Variants in ZNF48 observed in about 807,000 individuals in gnomAD.
The protein encoded by ZNF48 is zinc finger protein 553.
In ZNF48, 20 loss-of-function variants were observed where a neutral mutation model predicts 40.0. The observed-to-expected ratio is 0.50, with a 90% confidence interval of 0.35 to 0.73. The LOEUF (loss-of-function observed/expected upper bound fraction) is 0.73, where lower values mean the gene tolerates loss of function less well. ZNF48 is among the 30% of genes least tolerant of loss of function. The probability of loss-of-function intolerance (pLI) is 0.01; values close to 1 mark genes in which losing one functional copy is unlikely to be tolerated. For missense variants in ZNF48, 726 were observed against 851.9 expected (o/e 0.85, Z 1.84); for synonymous variants, 298 against 329.7 (o/e 0.90, Z 1.04).
Position 30,381,570 on chromosome 16 carries a change from GCTCC to G in ZNF48, c.-16+3165_-16+3168del. Reference sequence around the variant, plus strand: ...GTGGGAGTAGAATGTCATTTCTTTGGCTCCCTCCAAAGACATTAAGGGGAACTGG... The same window carrying G: ...GTGGGAGTAGAATGTCATTTCTTTGGCTCCAAAGACATTAAGGGGAACTGG... On this transcript the variant is annotated intron_variant, in intron 1 of 2. Transcript: ENST00000528032. The surrounding 1 kb of genome is among the most constrained non-coding windows in gnomAD (Gnocchi z 4.3). The G allele has an allele frequency of 1.3e-6, 2 of 1,528,800 alleles. No homozygotes were observed. The highest frequency in any genetic ancestry group is 1.2e-5 in the South Asian group (1 of 84,962). 94.7% of individuals were successfully genotyped at this position (1,528,800 alleles called of 1,614,324 possible). A position where few individuals can be genotyped will look rare whatever the true frequency, so the allele number is the denominator to read the frequency against.
rs1274500236 is a variant in ZNF48, at chr16:30,397,304, T to C, written c.80-26T>C. The C allele has an allele frequency of 1.9e-6, 3 of 1,585,642 alleles. No homozygotes were observed. The Admixed American group carries it at 5.3e-5, about 28-fold the overall frequency. On this transcript the variant is annotated intron_variant, in intron 2 of 2. Transcript: ENST00000613509. This position sits in a 1 kb window ranked among gnomAD's most constrained non-coding sequence, Gnocchi z 4.1. ...ATAAGTACCGAGCCAAAGGGGAGGG[T>C]CTACAACTTCCTTTTCTTTCCTCAG...
upstream of ZNF48, among the ~76,000 whole-genome samples, chr16:30,393,829 C>T (rs2049959500): frequency 6.6e-6 from 1 of 152,122 alleles, no homozygotes; most frequent in South Asian, 2.1e-4. Flanking sequence ...GATCCTCCTG[C>T]CTCAGTCTCC....
chr16:30,395,991 T>C lies in ZNF48; in HGVS notation c.79+118T>C, dbSNP rs2049981729. Reference sequence around the variant, plus strand: ...GACGTGAGCTGTGCCTCTGGGGAGATAGGGGGAGGGGAGCTTTCGGAGCAC... The same window carrying C: ...GACGTGAGCTGTGCCTCTGGGGAGACAGGGGGAGGGGAGCTTTCGGAGCAC... On this transcript the variant is annotated intron_variant, in intron 2 of 2. Transcript: ENST00000613509. This position sits in a 1 kb window ranked among gnomAD's most constrained non-coding sequence, Gnocchi z 5.9. The C allele has an allele frequency of 9.0e-7, 1 of 1,116,326 alleles. No homozygotes were observed. 69.2% of individuals were successfully genotyped at this position (1,116,326 alleles called of 1,614,324 possible). A position where few individuals can be genotyped will look rare whatever the true frequency, so the allele number is the denominator to read the frequency against.
In ZNF48 at chr16:30,382,487, G is replaced by A. The variant is rs748707841; in HGVS notation, c.-16+4077G>A. 3.8e-6 allele frequency: 6 copies of A among 1,595,498 alleles called. No homozygotes were observed. The highest frequency in any genetic ancestry group is 1.7e-4 in the Middle Eastern group (1 of 5,968). ...TGGGGACCCCAGGCATGGGGGCTGGGGGCCGAGATGCCCAGGTTTCTGGGT... is the reference window on the plus strand; with the variant it reads ...TGGGGACCCCAGGCATGGGGGCTGGAGGCCGAGATGCCCAGGTTTCTGGGT... On this transcript the variant is annotated intron_variant, in intron 1 of 2. Transcript: ENST00000528032. The surrounding 1 kb of genome is among the most constrained non-coding windows in gnomAD (Gnocchi z 4.8).
chr16:30,398,497 G>C lies in ZNF48; in HGVS notation c.1247G>C (p.Ser416Thr), dbSNP rs951969885. The change falls in exon 3 of 3, where the codon AGT becomes ACT. Residue 416 changes from serine (S) to threonine (T), a missense_variant. Around this residue, in one of 5 missense-constraint regions of ZNF48, gnomAD observed 378 missense variants for 449.1 expected, o/e 0.84. Transcript: ENST00000613509. This position sits in a 1 kb window ranked among gnomAD's most constrained non-coding sequence, Gnocchi z 6.6. The stretch of plus-strand genomic sequence containing the variant: ...ACCAGCCCCCCGCTGACACCTCGAA[G>C]TCCCTCACACTCGGGTGAGCCTTTT... ...LGTSPPLTPR[S>T]PSHSGEPFGL... 6.3e-7 allele frequency: 1 copy of C among 1,588,992 alleles called. No homozygotes were observed. The highest frequency in any genetic ancestry group is 8.6e-7 in the Non-Finnish European group (1 of 1,166,014).
rs1232636229 is a variant in ZNF48 at position 30,397,395 on chromosome 16, T to G, written c.145T>G (p.Leu49Val). 9.9e-6 allele frequency: 16 copies of G among 1,614,060 alleles called. No individual in the cohort carries two copies. In the East Asian group the frequency reaches 3.6e-4, roughly 36 times the overall value. Residue 49 changes from leucine to valine, a missense_variant, in exon 3 of 3, where the codon TTG becomes GTG. By Grantham distance (32) the Leu-to-Val change is conservative (BLOSUM62 1). Around this residue, in one of 5 missense-constraint regions of ZNF48, gnomAD observed 151 missense variants for 162.3 expected, o/e 0.93. Coordinates refer to ENST00000613509, the MANE Select transcript of ZNF48 (RefSeq NM_001214909.2). This position sits in a 1 kb window ranked among gnomAD's most constrained non-coding sequence, Gnocchi z 4.1. ...EFEHTPQEDDLGFKEEDLAPD... is the reference protein window; with the variant it reads ...EFEHTPQEDDVGFKEEDLAPD... ...TGAACATACCCCACAGGAAGATGAC[T>G]TGGGGTTCAAGGAAGAAGATTTGGC...
rs570495544 is a variant in ZNF48 at position 30,385,475 on chromosome 16, A to C, written c.-16+7065A>C. ...CCCCGTCTCTACTAAAAATACAAAA[A>C]TTAGTTGGATGTGGTGGCGCGTGCC... On this transcript the variant is annotated intron_variant, in intron 1 of 2. Coordinates refer to the ZNF48 transcript ENST00000528032. Among the ~76,000 whole-genome samples, 318 of 151,804 alleles carry C rather than the reference A, an allele frequency of 2.1e-3. 2 individuals carry two copies. The Middle Eastern group carries it at 0.031, about 15-fold the overall frequency.
Position 30,381,663 on chromosome 16 carries a change from C to T in ZNF48, c.-16+3253C>T, listed in dbSNP as rs1262757712. ...AGTGGCCCTCTGAAACAGACACCAC[C>T]TTTTGAGATAGGGAGCCAGCACAAA... On this transcript the variant is annotated intron_variant, in intron 1 of 2. Coordinates refer to the ZNF48 transcript ENST00000528032. The surrounding 1 kb of genome is among the most constrained non-coding windows in gnomAD (Gnocchi z 4.3). The T allele has an allele frequency of 1.9e-6, 3 of 1,554,078 alleles. No individual in the cohort carries two copies. In the African/African-American group the frequency reaches 4.1e-5, roughly 21 times the overall value.
chr16:30,395,180 T>C, upstream of ZNF48: 1 of 454,504 alleles, frequency 2.2e-6, no homozygotes. The surrounding 1 kb of genome is among the most constrained non-coding windows in gnomAD (Gnocchi z 5.9). Flanking sequence ...CGCGGGTGGC[T>C]GGAGACACAC....
chr16:30,392,649 T>C (rs562999488), upstream of ZNF48, among the ~76,000 whole-genome samples: 20 of 152,296 alleles, frequency 1.3e-4, no homozygotes, highest in African/African-American at 4.8e-4. Flanking sequence ...TCATCCCTAT[T>C]TTACAGTTTG....
At position 30,397,491 on chromosome 16, in the gene ZNF48, C is replaced by T; in HGVS notation, c.241C>T (p.Gln81Ter). The change falls in exon 3 of 3, where the codon CAG (glutamine) becomes TAG (stop). Residue 81 changes from glutamine to a stop codon, truncating the protein, a stop_gained. Coordinates refer to ENST00000613509, the MANE Select transcript of ZNF48 (RefSeq NM_001214909.2). LOFTEE classifies it high-confidence loss of function. The surrounding 1 kb of genome is among the most constrained non-coding windows in gnomAD (Gnocchi z 4.1). ...CCAGAACTGGGATGACTTATGGGTC[C>T]AGAGAGAGGGTCTAGGAAAGCCTCA... ...GIQNWDDLWV[Q>*]REGLGKPQPR... 1 of 1,614,112 alleles carries T rather than the reference C, an allele frequency of 6.2e-7. No homozygotes were observed. Among genetic ancestry groups the T allele is most frequent in the Non-Finnish European group, 8.5e-7 (1 of 1,180,004 alleles).
intron 1 of ZNF48, among the ~76,000 whole-genome samples, chr16:30,387,165 G>C (rs1434178325): frequency 6.8e-6 from 1 of 147,122 alleles, no homozygotes; most frequent in Non-Finnish European, 1.5e-5. Context: ...GGATGGTCTC[G>C]ATCTCCTGAC....
rs573272626 is a variant in ZNF48 at position 30,397,485 on chromosome 16, T to C, written c.235T>C (p.Trp79Arg). Residue 79 changes from tryptophan (W) to arginine (R), a missense_variant, in exon 3 of 3, where the codon TGG becomes CGG. Around this residue, in one of 5 missense-constraint regions of ZNF48, gnomAD observed 151 missense variants for 162.3 expected, o/e 0.93. Coordinates refer to ENST00000613509, the MANE Select transcript of ZNF48 (RefSeq NM_001214909.2). The surrounding 1 kb of genome is among the most constrained non-coding windows in gnomAD (Gnocchi z 4.1). ...PEGIQNWDDL[W>R]VQREGLGKPQ... Reference sequence around the variant, plus strand: ...AGGCATCCAGAACTGGGATGACTTATGGGTCCAGAGAGAGGGTCTAGGAAA... The same window carrying C: ...AGGCATCCAGAACTGGGATGACTTACGGGTCCAGAGAGAGGGTCTAGGAAA... 3 of 1,614,156 alleles carry C rather than the reference T, an allele frequency of 1.9e-6. No individual in the cohort carries two copies. Among genetic ancestry groups the C allele is most frequent in the East Asian group, 4.5e-5 (2 of 44,884 alleles).
At chr16:30,391,263 C>T (rs1026064707), upstream of ZNF48, among the ~76,000 whole-genome samples, 4 of 152,146 alleles carry the variant, frequency 2.6e-5, no homozygotes, top group African/African-American at 9.7e-5. Flanking sequence ...GATCTCTGCT[C>T]ACTGAAACCT....
At chr16:30,395,397 G>A (rs1467428828), upstream of ZNF48, 7 of 379,582 alleles carry the variant, frequency 1.8e-5, no homozygotes, top group Admixed American at 1.9e-4. The surrounding 1 kb of genome is among the most constrained non-coding windows in gnomAD (Gnocchi z 5.9). Context: ...GGCTCCGTGC[G>A]GCCCCGCGCT....
At chr16:30,387,062 C>G (rs958071267) in intron 1 of ZNF48, among the ~76,000 whole-genome samples, 20 of 150,792 alleles carry the variant, frequency 1.3e-4, no homozygotes, top group Non-Finnish European at 1.8e-4. Flanking sequence ...CCTGCCTCAG[C>G]CTCCCGAATA....
At chr16:30,383,710 G>A (rs1391039379) in intron 1 of ZNF48, among the ~76,000 whole-genome samples, 3 of 152,206 alleles carry the variant, frequency 2.0e-5, no homozygotes, top group Admixed American at 6.5e-5. Flanking sequence ...AGTCAAGTCT[G>A]AATTCTGGCC....
chr16:30,396,120 T>A, intron 2 of ZNF48: 1 of 402,646 alleles, frequency 2.5e-6, no homozygotes, highest in Non-Finnish European at 4.4e-6. Flanking sequence ...TTCATTCTGT[T>A]TTATCCTGGC....
intron 1 of ZNF48, chr16:30,380,041 G>A: frequency 1.2e-6 from 2 of 1,607,230 alleles, no homozygotes; most frequent in African/African-American, 2.7e-5. Flanking sequence ...GATCTCAGGG[G>A]AAACAGATAT....
Sources: gnomAD v4.1 joint callset for allele counts (sites outside exome capture counted in the v4.1 genomes callset) on GRCh38, gnomAD v4.1.1 for gene constraint, gnomAD v4.1.1 regional missense constraint, Gnocchi (gnomAD v3.1) non-coding constraint, MANE v1.5 for transcripts, NCBI Gene and HGNC (gene_info 2026-07-23, HGNC 2026-07-21) for gene names.